Variants in RBMS3 observed in about 807,000 individuals in gnomAD.
RBMS3 encodes RNA-binding motif, single-stranded-interacting protein 3.
A neutral mutation model predicts 66.8 loss-of-function variants in RBMS3; 27 were observed. The observed-to-expected ratio is 0.40, with a 90% CI of 0.30 to 0.56. RBMS3 has a LOEUF of 0.56. Ranked by LOEUF, RBMS3 falls within the 20% of genes least tolerant of loss-of-function variation. RBMS3 has a pLI of 0.40. For missense variants in RBMS3, 513 were observed against 549.5 expected, an observed-to-expected ratio of 0.93 and a Z score of 0.66; for synonymous variants, 188 against 183.0, an observed-to-expected ratio of 1.03 and a Z score of -0.22.
intron 3 of RBMS3, among the ~76,000 whole-genome samples, chr3:29,525,714 C>T (rs1236325849): frequency 6.6e-6 from 1 of 152,108 alleles, no homozygotes; most frequent in African/African-American, 2.4e-5. Context: ...AATCTTTGTT[C>T]CCTAAACACA....
chr3:29,696,315 A>G (rs73831639), intron 4 of RBMS3, among the ~76,000 whole-genome samples: 1 of 152,144 alleles, frequency 6.6e-6, no homozygotes, highest in Non-Finnish European at 1.5e-5. Flanking sequence ...TGCCAATCTC[A>G]GAGGTAAGAT....
intron 4 of RBMS3, among the ~76,000 whole-genome samples, chr3:29,734,120 G>A (rs1189372915): frequency 6.6e-6 from 1 of 152,058 alleles, no homozygotes; most frequent in Non-Finnish European, 1.5e-5. Context: ...AGGATATTAT[G>A]TTAAGTGAAA....
intron 3 of RBMS3, among the ~76,000 whole-genome samples, chr3:29,535,869 T>C (rs1163721324): frequency 1.3e-5 from 2 of 151,984 alleles, no homozygotes; most frequent in African/African-American, 4.8e-5. Context: ...ATTTCCCATT[T>C]ACTAGTTAAG....
chr3:29,958,595 T>C (rs982729621), intron 12 of RBMS3, among the ~76,000 whole-genome samples: 1 of 152,200 alleles, frequency 6.6e-6, no homozygotes, highest in Admixed American at 6.5e-5. Flanking sequence ...TGAATTATAT[T>C]GCCTTAGCTT....
Position 30,007,813 on chromosome 3 carries a change from A to C in RBMS3, c.*3951A>C, listed in dbSNP as rs1035443587. On this transcript the variant is annotated 3_prime_UTR_variant, in exon 15 of 15. Transcript: ENST00000383767. ...TCAACATTTCAGAATGTTACCTCCA[A>C]ATTTCACTTGAATTACTTCCTCCTG... The C allele has an allele frequency of 6.6e-6, 1 of 152,014 alleles. No individual in the cohort carries two copies. The highest frequency in any genetic ancestry group is 2.4e-5 in the African/African-American group (1 of 41,416). 9.4% of individuals were successfully genotyped at this position (152,014 alleles called of 1,614,324 possible).
intron 3 of RBMS3, among the ~76,000 whole-genome samples, chr3:29,531,188 A>G (rs754455451): frequency 2.6e-5 from 4 of 152,214 alleles, no homozygotes; most frequent in Admixed American, 6.5e-5. Context: ...TTGCTACTCA[A>G]ACGTCTACAA....
At chr3:29,649,561 T>C (rs12108167) in intron 4 of RBMS3, among the ~76,000 whole-genome samples, 18,241 of 152,140 alleles carry the variant, frequency 0.12, 1,184 homozygotes, top group Middle Eastern at 0.23. Context: ...TCATGGGTGA[T>C]GGGTGCTTAT....
intron 11 of RBMS3, among the ~76,000 whole-genome samples, chr3:29,937,964 A>G (rs1328183873): frequency 1.3e-5 from 2 of 151,930 alleles, no homozygotes; most frequent in African/African-American, 4.8e-5. Context: ...ATTTTACCGT[A>G]TTGAATAACA....
chr3:29,478,361 T>C (rs2043019879), intron 2 of RBMS3, among the ~76,000 whole-genome samples: 1 of 152,104 alleles, frequency 6.6e-6, no homozygotes, highest in Admixed American at 6.6e-5. Flanking sequence ...CATTTTCTGG[T>C]TCCTAAATGG....
intron 3 of RBMS3, among the ~76,000 whole-genome samples, chr3:29,574,347 A>C (rs2047042010): frequency 6.6e-6 from 1 of 152,034 alleles, no homozygotes; most frequent in South Asian, 2.1e-4. Context: ...TTTTGTCTTG[A>C]AATCCATTTT....
At chr3:29,693,465 A>C (rs570425014) in intron 4 of RBMS3, among the ~76,000 whole-genome samples, 1 of 152,124 alleles carries the variant, frequency 6.6e-6, no homozygotes, top group African/African-American at 2.4e-5. Flanking sequence ...AAACAGGGGG[A>C]TGGGAAAAGC....
At chr3:29,577,211 G>A (rs1364947085) in intron 3 of RBMS3, among the ~76,000 whole-genome samples, 1 of 152,162 alleles carries the variant, frequency 6.6e-6, no homozygotes, top group Non-Finnish European at 1.5e-5. Flanking sequence ...TGAGAGCTAG[G>A]GCCCAGATTA....
In RBMS3 at chr3:29,765,877, T is replaced by C. The variant is rs556067743; in HGVS notation, c.637+2888T>C. 6 of 158,148 alleles carry C rather than the reference T, an allele frequency of 3.8e-5. No individual in the cohort carries two copies. In the East Asian group the frequency reaches 9.2e-4, roughly 24 times the overall value. The allele number at this position is 158,148 out of a possible 1,614,324, so 9.8% of individuals were successfully genotyped here. A position where few individuals can be genotyped will look rare whatever the true frequency, so the allele number is the denominator to read the frequency against. On this transcript the variant is annotated intron_variant, in intron 6 of 14. Transcript: ENST00000383767. ...CAATCATGGTGGAAGGTGAAAGGCA[T>C]GTCTCATATGACGGCAGACAAGAGA...
At chr3:29,687,249 C>G (rs1393295288) in intron 4 of RBMS3, among the ~76,000 whole-genome samples, 1 of 152,174 alleles carries the variant, frequency 6.6e-6, no homozygotes, top group Non-Finnish European at 1.5e-5. Flanking sequence ...AGGATTGTTC[C>G]AATTTCCCAG....
At chr3:29,645,912 T>C (rs995065578) in intron 4 of RBMS3, among the ~76,000 whole-genome samples, 20 of 152,228 alleles carry the variant, frequency 1.3e-4, no homozygotes, top group Admixed American at 1.2e-3. Flanking sequence ...ATTTATATTG[T>C]CTGTTTATGT....
At chr3:29,861,461 TAGA>T (rs2059215218) in intron 6 of RBMS3, among the ~76,000 whole-genome samples, 1 of 152,130 alleles carries the variant, frequency 6.6e-6, no homozygotes. Context: ...ATACAAACAC[TAGA>T]ATAACTTAAA....
intron 10 of RBMS3, among the ~76,000 whole-genome samples, chr3:29,923,709 A>G (rs2060855381): frequency 6.6e-6 from 1 of 152,322 alleles, no homozygotes; most frequent in African/African-American, 2.4e-5. Flanking sequence ...GAGGTCAGAA[A>G]ACGTGTTTTT....
chr3:29,586,779 T>G (rs1478173560), intron 3 of RBMS3, among the ~76,000 whole-genome samples: 1 of 152,144 alleles, frequency 6.6e-6, no homozygotes, highest in African/African-American at 2.4e-5. Context: ...TCCAGCACTT[T>G]GTGTACCTCA....
chr3:29,489,780 C>T (rs1340266316), intron 3 of RBMS3, among the ~76,000 whole-genome samples: 3 of 148,754 alleles, frequency 2.0e-5, no homozygotes, highest in African/African-American at 7.4e-5. Context: ...CGCGGTGGCT[C>T]ACGCCTATAA....
Sources: gnomAD v4.1 joint callset for allele counts (sites outside exome capture counted in the v4.1 genomes callset) on GRCh38, gnomAD v4.1.1 for gene constraint, MANE v1.5 for transcripts, NCBI Gene and HGNC (gene_info 2026-07-23, HGNC 2026-07-21) for gene names.